The following PKHD1L1 variants were observed in gnomAD, a reference collection of about 807,000 sequenced individuals.
PKHD1L1 encodes the protein PKHD1 like 1.
Under a neutral mutation model 462.9 loss-of-function variants are expected in PKHD1L1, and 434 were observed. The ratio of observed to expected loss-of-function variants is 0.94; its 90% CI spans 0.87 to 1.02. PKHD1L1 has a LOEUF of 1.02. Among genes scored for constraint, PKHD1L1 ranks in the 50% least tolerant of loss-of-function variants. The pLI is 0.00. For synonymous variants in PKHD1L1, 1,781 were observed against 1,750.0 expected (o/e 1.02, Z -0.44); for missense variants, 5,202 against 5,096.1 (o/e 1.02, Z -0.63).
chr8:109,370,557 T>C (rs1811450941), intron 2 of PKHD1L1, among the ~76,000 whole-genome samples: 1 of 152,094 alleles, frequency 6.6e-6, no homozygotes, highest in Non-Finnish European at 1.5e-5. Context: ...GTGCACAACG[T>C]GCAGGTTTGT....
At position 109,445,188 on chromosome 8, in the gene PKHD1L1, G is replaced by A; in HGVS notation, c.5319G>A (p.Gly1773=). 6.2e-7 allele frequency: 1 copy of A among 1,613,978 alleles called. No homozygotes were observed. Among genetic ancestry groups the A allele is most frequent in the Non-Finnish European group, 8.5e-7 (1 of 1,179,900 alleles). Residue 1773 remains glycine (G), a synonymous_variant, in exon 38 of 78, where the codon GGG becomes GGA. Coordinates refer to ENST00000378402, the MANE Select transcript of PKHD1L1 (RefSeq NM_177531.6). ...TTCTTATTGAAGGAGAAGGTTTGGG[G>A]ACTGTTTTGGAGGACATTGCTGTTT... ...VKVLIEGEGL[G]TVLEDIAVFI...
intron 2 of PKHD1L1, among the ~76,000 whole-genome samples, chr8:109,372,748 A>G (rs1046881569): frequency 7.2e-5 from 11 of 152,306 alleles, no homozygotes; most frequent in Admixed American, 7.2e-4. Flanking sequence ...CCTTTTCTGC[A>G]TCTATTGAGA....
At chr8:109,502,597 G>C (rs868163427) in intron 67 of PKHD1L1, among the ~76,000 whole-genome samples, 2 of 152,184 alleles carry the variant, frequency 1.3e-5, no homozygotes, top group African/African-American at 2.4e-5. Context: ...AAGTTGTAAG[G>C]TTCCTCTGAT....
At position 109,535,817 on chromosome 8, in the gene PKHD1L1, G is replaced by A. The variant is rs1821132415; in HGVS notation, c.*5727G>A. 1.3e-5 allele frequency among the ~76,000 whole-genome samples: 2 copies of A among 152,076 alleles called. No individual in the cohort carries two copies. Among genetic ancestry groups the A allele is most frequent in the African/African-American group, 2.4e-5 (1 of 41,386 alleles). On this transcript the variant is annotated 3_prime_UTR_variant, in exon 78 of 78. Coordinates refer to ENST00000378402, the MANE Select transcript of PKHD1L1 (RefSeq NM_177531.6). ...TGATATCCAGATGTGCTGAAATGAT[G>A]GACACTGAGAAGAAAGAATAGACAA...
intron 26 of PKHD1L1, 126 bp downstream of exon 26, chr8:109,429,588 T>C: frequency 1.1e-6 from 1 of 919,450 alleles, no homozygotes; most frequent in South Asian, 1.6e-5. Context: ...TTTGTCTTAA[T>C]ATTGATCAAC....
At chr8:109,454,362 T>A in intron 44 of PKHD1L1, 116 bp downstream of exon 44, 1 of 727,904 alleles carries the variant, frequency 1.4e-6, no homozygotes, top group Non-Finnish European at 2.1e-6. Flanking sequence ...TTATCTTTGT[T>A]TAGGTCTCTG....
intron 71 of PKHD1L1, among the ~76,000 whole-genome samples, chr8:109,514,008 G>T (rs1820137530): frequency 6.6e-6 from 1 of 151,920 alleles, no homozygotes; most frequent in African/African-American, 2.4e-5. Context: ...TTCCCTATCG[G>T]TCTCTGTCCA....
intron 25 of PKHD1L1, among the ~76,000 whole-genome samples, chr8:109,427,797 A>G (rs925795108): frequency 6.6e-6 from 1 of 151,986 alleles, no homozygotes; most frequent in African/African-American, 2.4e-5. Context: ...AGGCTGAGGC[A>G]GGTGGATCAC....
intron 50 of PKHD1L1, chr8:109,470,344 G>A (rs1817656101): frequency 1.3e-6 from 2 of 1,537,548 alleles, no homozygotes; most frequent in African/African-American, 2.7e-5. Flanking sequence ...GAGAGAGAGT[G>A]AAGTTAACCA....
At chr8:109,515,126 T>G in intron 71 of PKHD1L1, 44 bp from the exon 72 acceptor site, 1 of 1,379,674 alleles carries the variant, frequency 7.2e-7, no homozygotes, top group Non-Finnish European at 9.8e-7. Flanking sequence ...AAATTACAAA[T>G]ATTCTATTTT....
chr8:109,450,943 G>T, intron 40 of PKHD1L1, 32 bp from the exon 41 acceptor site: 1 of 1,558,480 alleles, frequency 6.4e-7, no homozygotes, highest in Non-Finnish European at 8.7e-7. Flanking sequence ...CCCGATGGCA[G>T]AACTGCATTC....
Position 109,445,314 on chromosome 8 carries a change from G to T in PKHD1L1, c.5445G>T (p.Val1815=). The change falls in exon 38 of 78, where the codon GTG becomes GTT. Residue 1815 remains valine (V), a synonymous_variant. Coordinates refer to ENST00000378402, the MANE Select transcript of PKHD1L1 (RefSeq NM_177531.6). Reference sequence around the variant, plus strand: ...TTGGACATCATTCTGTTAGTGTTGTGGTGGGAAGTAAAGGCTTGGCTCTGG... The same window carrying T: ...TTGGACATCATTCTGTTAGTGTTGTTGTGGGAAGTAAAGGCTTGGCTCTGG... ...LPVGHHSVSV[V]VGSKGLALGN... is the part of the protein sequence containing the mutation. 6.2e-7 allele frequency: 1 copy of T among 1,613,952 alleles called. No homozygotes were observed. The highest frequency in any genetic ancestry group is 8.5e-7 in the Non-Finnish European group (1 of 1,179,882).
chr8:109,465,588 T>C lies in PKHD1L1; in HGVS notation c.8413+343T>C, dbSNP rs927560781. ...TGCCTCCATTTTAAACTCAGTTAAT[T>C]GCACAGATAAGAAACTGCTTACATC... On this transcript the variant is annotated intron_variant, in intron 49 of 77. Transcript: ENST00000378402. Among the ~76,000 whole-genome samples, 15 of 152,154 alleles carry C rather than the reference T, an allele frequency of 9.9e-5. 2 individuals are homozygous for C. The highest frequency in any genetic ancestry group is 7.9e-4 in the Admixed American group (12 of 15,252).
chr8:109,522,002 C>T (rs1217862373), intron 73 of PKHD1L1, among the ~76,000 whole-genome samples, 184 bp from the exon 74 acceptor site: 1 of 152,052 alleles, frequency 6.6e-6, no homozygotes, highest in African/African-American at 2.4e-5. Flanking sequence ...ATATATTCTC[C>T]TGAGTTCTTC....
chr8:109,508,888 A>T (rs1205923390), intron 70 of PKHD1L1, among the ~76,000 whole-genome samples: 1 of 152,088 alleles, frequency 6.6e-6, no homozygotes, highest in African/African-American at 2.4e-5. Flanking sequence ...AGCTTAGGAG[A>T]CCAAGGCTTT....
At chr8:109,469,627 A>G (rs1817621450) in intron 50 of PKHD1L1, among the ~76,000 whole-genome samples, 1 of 152,148 alleles carries the variant, frequency 6.6e-6, no homozygotes, top group Non-Finnish European at 1.5e-5. Context: ...AAGTTATTAC[A>G]TTTAATTTTA....
Position 109,495,541 on chromosome 8 carries a change from A to G in PKHD1L1, c.10328-1378A>G, listed in dbSNP as rs1819039676. Among the ~76,000 whole-genome samples, 7 of 152,098 alleles carry G rather than the reference A, an allele frequency of 4.6e-5. No homozygotes were observed. In the South Asian group the frequency reaches 1.4e-3, roughly 31 times the overall value. On this transcript the variant is annotated intron_variant, in intron 63 of 77. Coordinates refer to ENST00000378402, the MANE Select transcript of PKHD1L1 (RefSeq NM_177531.6). Reference sequence around the variant, plus strand: ...TTATTCAATCCATCCTCCAGGCAAGAGTCTGGGAAACTGGGGATAGTGATA... The same window carrying G: ...TTATTCAATCCATCCTCCAGGCAAGGGTCTGGGAAACTGGGGATAGTGATA...
chr8:109,537,101 A>G lies in PKHD1L1; in HGVS notation c.*7011A>G, dbSNP rs114217406. Among the ~76,000 whole-genome samples, 1,315 of 152,306 alleles carry G rather than the reference A, an allele frequency of 8.6e-3. 15 individuals are homozygous for G. The highest frequency in any genetic ancestry group is 0.03 in the African/African-American group (1,234 of 41,560). Reference sequence around the variant, plus strand: ...TGTATCTGCTCAAAGATGTCACTCTATGTGCGGCAAAGCTTTGTTTTACTT... The same window carrying G: ...TGTATCTGCTCAAAGATGTCACTCTGTGTGCGGCAAAGCTTTGTTTTACTT... On this transcript the variant is annotated 3_prime_UTR_variant, in exon 78 of 78. Transcript: ENST00000378402.
intron 2 of PKHD1L1, among the ~76,000 whole-genome samples, chr8:109,371,922 T>G (rs557785707): frequency 2.0e-5 from 3 of 152,262 alleles, no homozygotes; most frequent in East Asian, 3.9e-4. Context: ...TAGTATAGTT[T>G]GAAGTCAGGT....
Sources: allele counts gnomAD v4.1 joint callset (sites outside exome capture counted in the v4.1 genomes callset), GRCh38; gene constraint gnomAD v4.1.1; transcripts MANE v1.5; gene names NCBI Gene and HGNC (gene_info 2026-07-23, HGNC 2026-07-21).